Variants in ABI1 observed in about 807,000 individuals in gnomAD.
ABI1 encodes Abelson interactor 1.
A neutral mutation model predicts 54.6 loss-of-function variants in ABI1; 14 were observed. The ratio of observed to expected loss-of-function variants is 0.26; its 90% CI spans 0.17 to 0.40. The LOEUF (loss-of-function observed/expected upper bound fraction) is 0.40, where lower values mean the gene tolerates loss of function less well. Ranked by LOEUF, ABI1 falls within the 10% of genes least tolerant of loss-of-function variation. ABI1 has a pLI of 1.00. For missense variants in ABI1, 443 were observed against 598.3 expected (o/e 0.74, Z 2.71); for synonymous variants, 194 against 209.3 (o/e 0.93, Z 0.63).
intron 6 of ABI1, among the ~76,000 whole-genome samples, chr10:26,768,425 C>T (rs557959932): frequency 5.3e-5 from 8 of 151,740 alleles, no homozygotes; most frequent in African/African-American, 1.9e-4. Context: ...GTAATCCCAG[C>T]TACTTGGGAG....
intron 2 of ABI1, among the ~76,000 whole-genome samples, chr10:26,785,551 G>A (rs375186483): frequency 3.9e-4 from 59 of 152,104 alleles, no homozygotes; most frequent in Middle Eastern, 3.4e-3. Context: ...GTGAAATTCC[G>A]TCTTTACTAG....
intron 7 of ABI1, chr10:26,764,017 T>A: frequency 7.4e-7 from 1 of 1,360,378 alleles, no homozygotes. Context: ...CTCAACATTT[T>A]GAAACAGCAA....
chr10:26,781,516 G>A (rs1842102040), intron 2 of ABI1, among the ~76,000 whole-genome samples: 1 of 152,194 alleles, frequency 6.6e-6, no homozygotes, highest in Non-Finnish European at 1.5e-5. Context: ...GGTGCCTAGT[G>A]GGCTGTAAAC....
chr10:26,803,950 C>A (rs899112832), intron 2 of ABI1, among the ~76,000 whole-genome samples: 1 of 147,338 alleles, frequency 6.8e-6, no homozygotes, highest in Admixed American at 6.8e-5. Context: ...GTATGTAGTA[C>A]AAAGGATGAA....
At position 26,858,537 on chromosome 10, in the gene ABI1, GAAAAAAAAAAAAA is replaced by G. The variant is rs60132421; in HGVS notation, c.117+2197_117+2209del. 4.5e-3 allele frequency among the ~76,000 whole-genome samples: 426 copies of G among 94,302 alleles called. 4 individuals are homozygous for G. The highest frequency in any genetic ancestry group is 0.015 in the African/African-American group (408 of 27,154). 61.9% of individuals were successfully genotyped at this position (94,302 alleles called of 152,430 possible). A position where few individuals can be genotyped will look rare whatever the true frequency, so the allele number is the denominator to read the frequency against. The stretch of plus-strand genomic sequence containing the variant: ...ACCCCACCCCGCCCCCACAAAAAAA[GAAAAAAAAAAAAA>G]AAAAAAAAAAAAACGGGGCCACTGA... On this transcript the variant is annotated intron_variant, in intron 1 of 10. Transcript: ENST00000376140.
intron 3 of ABI1, among the ~76,000 whole-genome samples, chr10:26,775,649 T>G (rs1841305372): frequency 6.6e-6 from 1 of 152,210 alleles, no homozygotes; most frequent in Non-Finnish European, 1.5e-5. Context: ...CACCCAAAAC[T>G]TCCTTGTAAA....
intron 1 of ABI1, among the ~76,000 whole-genome samples, chr10:26,857,766 T>C (rs1170901840): frequency 6.6e-6 from 1 of 151,142 alleles, no homozygotes; most frequent in Non-Finnish European, 1.5e-5. Flanking sequence ...GGAGGACTGC[T>C]TGAGCCCAGG....
In ABI1 at chr10:26,860,283, C is replaced by G. The variant is rs1422298478; in HGVS notation, c.117+464G>C. Among the ~76,000 whole-genome samples, 1 of 152,188 alleles carries G rather than the reference C, an allele frequency of 6.6e-6. No homozygotes were observed. The highest frequency in any genetic ancestry group is 2.1e-4 in the South Asian group (1 of 4,834). On this transcript the variant is annotated intron_variant, in intron 1 of 10. Transcript: ENST00000376140. This position sits in a 1 kb window ranked among gnomAD's most constrained non-coding sequence, Gnocchi z 4.1. The stretch of plus-strand genomic sequence containing the variant: ...CCCGCTGGTCCTCTCCCTTCTGCGG[C>G]TTCAGCCTCGTCCCTGCCCTCTCCT...
rs1299990494 is a variant in ABI1 at position 26,860,353 on chromosome 10, G to T, written c.117+394C>A. 6.6e-6 allele frequency among the ~76,000 whole-genome samples: 1 copy of T among 152,020 alleles called. No individual in the cohort carries two copies. Among genetic ancestry groups the T allele is most frequent in the South Asian group, 2.1e-4 (1 of 4,826 alleles). On this transcript the variant is annotated intron_variant, in intron 1 of 10. Transcript: ENST00000376140. The surrounding 1 kb of genome is among the most constrained non-coding windows in gnomAD (Gnocchi z 4.1). ...ACCTCCTCTCCCGGCGCAGAGAGGC[G>T]GCGCGGCGGCAGCTCGGGGGTATTC...
chr10:26,823,368 A>T, intron 1 of ABI1, 63 bp from the exon 2 acceptor site: 1 of 1,238,740 alleles, frequency 8.1e-7, no homozygotes, highest in East Asian at 3.0e-5. Context: ...TATATATTCT[A>T]TAGAAAGGCA....
At chr10:26,778,337 T>C (rs1841683820) in intron 2 of ABI1, among the ~76,000 whole-genome samples, 1 of 152,028 alleles carries the variant, frequency 6.6e-6, no homozygotes, top group South Asian at 2.1e-4. Context: ...TGATGACAAA[T>C]TTAAATTGAG....
chr10:26,773,389 G>A (rs186172021), intron 3 of ABI1, among the ~76,000 whole-genome samples: 3 of 150,814 alleles, frequency 2.0e-5, no homozygotes, highest in Admixed American at 6.6e-5. Flanking sequence ...TTTAGGAGAC[G>A]GGGTTTCACC....
chr10:26,807,161 A>G (rs1256682782), intron 2 of ABI1, among the ~76,000 whole-genome samples: 1 of 152,192 alleles, frequency 6.6e-6, no homozygotes, highest in East Asian at 1.9e-4. Flanking sequence ...AGAAGTAGAA[A>G]AGAAAAAACA....
intron 5 of ABI1, 52 bp from the exon 6 acceptor site, chr10:26,769,044 A>AT: frequency 7.2e-7 from 1 of 1,396,556 alleles, no homozygotes; most frequent in Non-Finnish European, 9.5e-7. Flanking sequence ...ATAAAATTGT[A>AT]TTTTTCCCAA....
At chr10:26,830,853 G>A (rs1358722551) in intron 1 of ABI1, among the ~76,000 whole-genome samples, 2 of 152,048 alleles carry the variant, frequency 1.3e-5, no homozygotes, top group Admixed American at 6.6e-5. Context: ...TCAAGTGCTT[G>A]TGCAGCATCC....
At chr10:26,853,268 A>G (rs1447785890) in intron 1 of ABI1, among the ~76,000 whole-genome samples, 1 of 145,280 alleles carries the variant, frequency 6.9e-6, no homozygotes, top group East Asian at 2.0e-4. Context: ...AGTAATTGCT[A>G]CTTTCCTATT....
chr10:26,835,088 CA>C (rs201431383), intron 1 of ABI1, among the ~76,000 whole-genome samples: 1,558 of 32,042 alleles, frequency 0.049, 3 homozygotes, highest in African/African-American at 0.15. Flanking sequence ...GATTCTACCT[CA>C]AAAAAAAAAA....
At chr10:26,760,673 T>C (rs1487290636) in intron 7 of ABI1, among the ~76,000 whole-genome samples, 1 of 152,098 alleles carries the variant, frequency 6.6e-6, no homozygotes, top group Non-Finnish European at 1.5e-5. Context: ...GCGGATCACC[T>C]GAGGTCAGGA....
chr10:26,758,344 T>G (rs1300342988), intron 8 of ABI1, among the ~76,000 whole-genome samples: 1 of 152,152 alleles, frequency 6.6e-6, no homozygotes, highest in Admixed American at 6.5e-5. Context: ...TTTCTAATTT[T>G]GTTTTTTTTC....
Sources: gnomAD v4.1 joint callset for allele counts (sites outside exome capture counted in the v4.1 genomes callset) on GRCh38, gnomAD v4.1.1 for gene constraint, Gnocchi (gnomAD v3.1) non-coding constraint, MANE v1.5 for transcripts, NCBI Gene and HGNC (gene_info 2026-07-23, HGNC 2026-07-21) for gene names.